Variants in ZNF335 observed in about 807,000 individuals in gnomAD.
ZNF335 encodes the protein NRC-interacting factor 1.
A neutral mutation model predicts 145.6 loss-of-function variants in ZNF335; 84 were observed. That is an observed-to-expected ratio of 0.58 (90% confidence interval 0.48 to 0.69). ZNF335 has a LOEUF of 0.69. Among genes scored for constraint, ZNF335 ranks in the 30% least tolerant of loss-of-function variants. The pLI, the probability that ZNF335 is intolerant of heterozygous loss-of-function variation, is 0.00. For synonymous variants in ZNF335, 761 were observed against 717.0 expected, an observed-to-expected ratio of 1.06 and a Z score of -0.98; for missense variants, 1,865 against 1,809.7, an observed-to-expected ratio of 1.03 and a Z score of -0.55.
In ZNF335 at chr20:45,962,196, A is replaced by G; in HGVS notation, c.1534-14T>C. 1 of 1,609,870 alleles carries G rather than the reference A, an allele frequency of 6.2e-7. No individual in the cohort carries two copies. Among genetic ancestry groups the G allele is most frequent in the Non-Finnish European group, 8.5e-7 (1 of 1,176,294 alleles). On this transcript the variant is annotated splice_polypyrimidine_tract_variant and intron_variant, in intron 9 of 27. Coordinates refer to ENST00000322927, the MANE Select transcript of ZNF335 (RefSeq NM_022095.4). ...GAACATGTGCTCCTGGGAGACAGAC[A>G]AAAGGATGGTGGGCTGGGGCTTGGC...
At chr20:45,955,751 C>T (rs1213760186) in intron 17 of ZNF335, among the ~76,000 whole-genome samples, 6 of 151,460 alleles carry the variant, frequency 4.0e-5, no homozygotes, top group Admixed American at 4.0e-4. Context: ...ACCCAGGAGG[C>T]GGAGGTTGCA....
At chr20:45,962,306 G>A in intron 9 of ZNF335, 124 bp from the exon 10 acceptor site, 2 of 749,080 alleles carry the variant, frequency 2.7e-6, no homozygotes, top group Non-Finnish European at 4.6e-6. Flanking sequence ...ACAGGCATGT[G>A]GACAACACAC....
intron 10 of ZNF335, 43 bp downstream of exon 10, chr20:45,962,025 CAA>C: frequency 5.3e-6 from 6 of 1,137,170 alleles, no homozygotes; most frequent in Non-Finnish European, 7.9e-6. Context: ...CTTCCCCACC[CAA>C]CCTGGCCTCT....
rs201976514 is a variant in ZNF335, at chr20:45,963,493, G to T, written c.1513C>A (p.Arg505Ser). ...CGCACCTTGAGCGAGGACCAGCGGC[G>T]GGAACGATAGCTGCACTGCAGGCAC... ...FKCLQCSYRS[R>S]RWSSLKEHMF... Residue 505 changes from arginine (R) to serine (S), a missense_variant, in exon 9 of 28, where the codon CGC (arginine) becomes AGC (serine). Transcript: ENST00000322927. 6.2e-7 allele frequency: 1 copy of T among 1,612,628 alleles called. No individual in the cohort carries two copies. Among genetic ancestry groups the T allele is most frequent in the Non-Finnish European group, 8.5e-7 (1 of 1,178,834 alleles).
chr20:45,968,234 T>C, intron 4 of ZNF335, 51 bp downstream of exon 4: 1 of 1,583,714 alleles, frequency 6.3e-7, no homozygotes, highest in Non-Finnish European at 8.7e-7. Flanking sequence ...TGTCCTCACC[T>C]ATCCCCCTGC....
chr20:45,968,294 G>A lies in ZNF335; in HGVS notation c.511C>T (p.Pro171Ser), dbSNP rs1198612591. 10 of 1,613,176 alleles carry A rather than the reference G, an allele frequency of 6.2e-6. No individual in the cohort carries two copies. The highest frequency in any genetic ancestry group is 8.5e-6 in the Non-Finnish European group (10 of 1,179,396). ...ETTRYLILQG[P>S]DDGAPMTSPM... is the part of the protein sequence containing the mutation. ...GCACCTGGGGTCTTACCATCATCTGGGCCCTGTAGGATCAGGTACCGTGTG... is the reference window on the plus strand; with the variant it reads ...GCACCTGGGGTCTTACCATCATCTGAGCCCTGTAGGATCAGGTACCGTGTG... Residue 171 changes from proline (P) to serine (S), a missense_variant, in exon 4 of 28, where the codon CCA (proline) becomes TCA (serine). Physicochemically the swap from Pro to Ser is moderately conservative, Grantham distance 74 (BLOSUM62 -1). Coordinates refer to ENST00000322927, the MANE Select transcript of ZNF335 (RefSeq NM_022095.4).
rs199670405 is a variant in ZNF335, at chr20:45,969,530, G to A, written c.363C>T (p.Asp121=). ...CCAGGTCCGAGGAGGAAGCTGTGCA[G>A]TCGGACACCAGCATGTTGGGGTCTG... is the stretch of plus-strand genomic sequence containing the variant. ...ALPDPNMLVS[D]CTASSSDLGS... The change falls in exon 3 of 28, where the codon GAC becomes GAT. Residue 121 remains aspartate, a synonymous_variant. Coordinates refer to ENST00000322927, the MANE Select transcript of ZNF335 (RefSeq NM_022095.4). 1.3e-6 allele frequency: 2 copies of A among 1,591,748 alleles called. No individual in the cohort carries two copies. The highest frequency in any genetic ancestry group is 2.3e-5 in the East Asian group (1 of 44,234).
intron 17 of ZNF335, among the ~76,000 whole-genome samples, chr20:45,955,062 C>T (rs920777059): frequency 2.6e-5 from 4 of 151,926 alleles, no homozygotes; most frequent in East Asian, 1.9e-4. Context: ...AGATTTATAA[C>T]GACTGAGGCC....
intron 9 of ZNF335, 100 bp from the exon 10 acceptor site, chr20:45,962,282 G>A: frequency 4.4e-6 from 4 of 918,354 alleles, no homozygotes; most frequent in Non-Finnish European, 7.0e-6. Context: ...TGCTGCGGGA[G>A]CAGCTCACAG....
intron 17 of ZNF335, 109 bp from the exon 18 acceptor site, chr20:45,954,057 G>T: frequency 7.6e-7 from 1 of 1,313,930 alleles, no homozygotes; most frequent in South Asian, 1.5e-5. Context: ...ACTCTAGTCA[G>T]ACCAGTGCTG....
Position 45,949,015 on chromosome 20 carries a change from G to T in ZNF335, c.3967C>A (p.His1323Asn), listed in dbSNP as rs533218165. The change falls in exon 28 of 28, where the codon CAC becomes AAC. Residue 1323 changes from histidine (H) to asparagine (N), a missense_variant. His to Asn is a moderately conservative substitution (Grantham distance 68). Transcript: ENST00000322927. ...LFGTDETVPEHIQQLQHQGIE... is the reference protein window; with the variant it reads ...LFGTDETVPENIQQLQHQGIE... ...CCCTGGTGCTGCAGCTGTTGAATGT[G>T]TTCGGGCACTGTCTCGTCTGTACCA... is the stretch of plus-strand genomic sequence containing the variant. 6.2e-7 allele frequency: 1 copy of T among 1,613,962 alleles called. No homozygotes were observed. The highest frequency in any genetic ancestry group is 8.5e-7 in the Non-Finnish European group (1 of 1,180,032).
rs1346185858 is a variant in ZNF335 at position 45,971,334 on chromosome 20, C to T, written c.77G>A (p.Gly26Asp). ...GGCTTCTGAGGTGCCCACACCCAGG[C>T]CGCTCTCAGAGGGCTCCTCGGGCCG... ...PGRPEEPSESGLGVGTSEAVS... is the reference protein window; with the variant it reads ...PGRPEEPSESDLGVGTSEAVS... The change falls in exon 2 of 28, where the codon GGC becomes GAC. Residue 26 changes from glycine (G) to aspartate (D), a missense_variant. By Grantham distance (94) the Gly-to-Asp change is moderately conservative. Transcript: ENST00000322927. 6.3e-7 allele frequency: 1 copy of T among 1,598,700 alleles called. No individual in the cohort carries two copies. The highest frequency in any genetic ancestry group is 1.1e-5 in the South Asian group (1 of 90,824).
intron 1 of ZNF335, 192 bp downstream of exon 1, chr20:45,971,930 G>A (rs1390566517): frequency 3.0e-6 from 3 of 985,340 alleles, no homozygotes; most frequent in Non-Finnish European, 3.6e-6. Flanking sequence ...CTGTGCTCCA[G>A]GCCCGACGCC....
At chr20:45,959,514 A>T (rs1329658386) in intron 14 of ZNF335, 81 bp from the exon 15 acceptor site, 2 of 1,101,610 alleles carry the variant, frequency 1.8e-6, no homozygotes, top group African/African-American at 3.3e-5. Context: ...GACCCTAAGG[A>T]TCTCTCCAAC....
Position 45,972,005 on chromosome 20 carries a change from C to T in ZNF335, c.-51+117G>A. Reference sequence around the variant, plus strand: ...AGAGCGACTAAAGGGCCTGGGACCCCGGGGCCCTGTTCGGACAGCCCCGCC... The same window carrying T: ...AGAGCGACTAAAGGGCCTGGGACCCTGGGGCCCTGTTCGGACAGCCCCGCC... On this transcript the variant is annotated intron_variant, in intron 1 of 27. Transcript: ENST00000322927. The T allele has an allele frequency of 4.1e-6, 5 of 1,205,776 alleles. No homozygotes were observed. The South Asian group carries it at 4.3e-5, about 10-fold the overall frequency. The allele number at this position is 1,205,776 out of a possible 1,614,324, so 74.7% of individuals were successfully genotyped here.
chr20:45,968,482 T>C lies in ZNF335; in HGVS notation c.443-120A>G. 5.7e-6 allele frequency: 5 copies of C among 883,804 alleles called. No individual in the cohort carries two copies. In the East Asian group the frequency reaches 9.9e-5, roughly 18 times the overall value. The allele number at this position is 883,804 out of a possible 1,614,324, so 54.7% of individuals were successfully genotyped here. ...TGGTCCACACTCATTCTGGCTCCCA[T>C]GTGCGACTGCAAACCAGCTGTGTCA... On this transcript the variant is annotated intron_variant, in intron 3 of 27. Transcript: ENST00000322927.
rs6032605 is a variant in ZNF335, at chr20:45,965,241, G to A, written c.1102+387C>T. 7.9e-5 allele frequency among the ~76,000 whole-genome samples: 12 copies of A among 152,082 alleles called. 1 individual carries two copies. The South Asian group carries it at 2.5e-3, about 32-fold the overall frequency. ...GCGGCAGAGCTGGTGCTCACACCAC[G>A]GCTGGGTCCTTTCTGTCCCCAGCCA... On this transcript the variant is annotated intron_variant, in intron 7 of 27. Coordinates refer to ENST00000322927, the MANE Select transcript of ZNF335 (RefSeq NM_022095.4).
At chr20:45,968,088 A>C (rs1378877513) in intron 4 of ZNF335, 61 bp from the exon 5 acceptor site, 1 of 1,599,592 alleles carries the variant, frequency 6.3e-7, no homozygotes, top group South Asian at 1.1e-5. Flanking sequence ...GCCATGAGCT[A>C]TAGCTACCCC....
chr20:45,971,583 C>A (rs1259185531), intron 1 of ZNF335, 123 bp from the exon 2 acceptor site: 6 of 1,446,944 alleles, frequency 4.1e-6, no homozygotes, highest in Non-Finnish European at 5.4e-6. Context: ...TCCGACGGGG[C>A]GGAGCTTCCT....
Sources: allele counts gnomAD v4.1 joint callset (sites outside exome capture counted in the v4.1 genomes callset), GRCh38; gene constraint gnomAD v4.1.1; transcripts MANE v1.5; gene names NCBI Gene and HGNC (gene_info 2026-07-23, HGNC 2026-07-21).